The following LRMDA variants were observed in gnomAD, a reference collection of about 807,000 sequenced individuals.
The protein encoded by LRMDA is leucine-rich melanocyte differentiation-associated protein.
Under a neutral mutation model 29.8 loss-of-function variants are expected in LRMDA, and 18 were observed. The ratio of observed to expected loss-of-function variants is 0.60; its 90% confidence interval spans 0.42 to 0.90. The LOEUF (loss-of-function observed/expected upper bound fraction) is 0.90, where lower values mean the gene tolerates loss of function less well. Among genes scored for constraint, LRMDA ranks in the 40% least tolerant of loss-of-function variants. LRMDA has a pLI of 0.00. For synonymous variants in LRMDA, 125 were observed against 109.4 expected, an observed-to-expected ratio of 1.14 and a Z score of -0.89; for missense variants, 273 against 273.9, an observed-to-expected ratio of 1.00 and a Z score of 0.02.
intron 2 of LRMDA, among the ~76,000 whole-genome samples, chr10:75,980,494 G>GT (rs1314857499): frequency 2.6e-5 from 4 of 152,162 alleles, no homozygotes; most frequent in African/African-American, 9.7e-5. Context: ...GTTGGGCCTC[G>GT]TGAACTTGAT....
intron 2 of LRMDA, among the ~76,000 whole-genome samples, chr10:75,614,719 G>A (rs955973404): frequency 2.0e-5 from 3 of 151,934 alleles, no homozygotes; most frequent in Non-Finnish European, 4.4e-5. Context: ...CTGAATAATA[G>A]CTGTGTTACT....
intron 2 of LRMDA, among the ~76,000 whole-genome samples, chr10:75,549,784 C>T (rs1181277049): frequency 6.6e-6 from 1 of 152,120 alleles, no homozygotes; most frequent in Non-Finnish European, 1.5e-5. Flanking sequence ...TCCTTGTGCC[C>T]ACTTTTCAAT....
chr10:76,087,461 T>A (rs1849155868), intron 5 of LRMDA, among the ~76,000 whole-genome samples: 1 of 152,196 alleles, frequency 6.6e-6, no homozygotes, highest in Admixed American at 6.5e-5. Flanking sequence ...CCACACCCTA[T>A]GCTGGTAATT....
chr10:75,695,223 TAA>T (rs1051878499), intron 2 of LRMDA, among the ~76,000 whole-genome samples: 2 of 152,042 alleles, frequency 1.3e-5, no homozygotes, highest in African/African-American at 4.8e-5. Flanking sequence ...TCTGGTTTTT[TAA>T]AAAAAATAAC....
At chr10:75,812,220 G>T (rs944383940) in intron 2 of LRMDA, among the ~76,000 whole-genome samples, 1 of 143,378 alleles carries the variant, frequency 7.0e-6, no homozygotes, top group Non-Finnish European at 1.5e-5. Flanking sequence ...GATGCTATAG[G>T]ATATTTTATG....
chr10:75,952,877 C>T (rs911961980), intron 2 of LRMDA, among the ~76,000 whole-genome samples: 2 of 152,200 alleles, frequency 1.3e-5, no homozygotes, highest in Non-Finnish European at 2.9e-5. Flanking sequence ...GCCTCAGTCT[C>T]CCAAGTAGCT....
At chr10:75,454,287 G>A (rs939729823) in intron 2 of LRMDA, among the ~76,000 whole-genome samples, 3 of 152,150 alleles carry the variant, frequency 2.0e-5, no homozygotes, top group Admixed American at 2.0e-4. Flanking sequence ...TTGGGGGAGA[G>A]GGGTTCTACT....
At chr10:76,248,800 T>G (rs1852421826) in intron 5 of LRMDA, among the ~76,000 whole-genome samples, 2 of 152,194 alleles carry the variant, frequency 1.3e-5, no homozygotes, top group Non-Finnish European at 2.9e-5. Context: ...ATCATTGGCT[T>G]GAGAACAGAG....
chr10:76,444,470 C>G (rs1040973951), intron 6 of LRMDA, among the ~76,000 whole-genome samples: 1 of 152,194 alleles, frequency 6.6e-6, no homozygotes, highest in African/African-American at 2.4e-5. Flanking sequence ...GAATTCGATA[C>G]TGGGTTCAAA....
chr10:76,314,861 A>T (rs1467654746), intron 5 of LRMDA, among the ~76,000 whole-genome samples: 3 of 152,190 alleles, frequency 2.0e-5, no homozygotes, highest in African/African-American at 7.2e-5. Context: ...CGCACAGCTA[A>T]TTCTTTCATG....
At chr10:76,540,721 G>C (rs1589230478) in intron 6 of LRMDA, among the ~76,000 whole-genome samples, 1 of 152,156 alleles carries the variant, frequency 6.6e-6, no homozygotes, top group African/African-American at 2.4e-5. Context: ...GTACCAAAGA[G>C]TACATCCTGG....
intron 5 of LRMDA, among the ~76,000 whole-genome samples, chr10:76,295,816 T>G (rs1840404511): frequency 6.6e-6 from 1 of 152,186 alleles, no homozygotes; most frequent in Non-Finnish European, 1.5e-5. Context: ...AATCCTACCA[T>G]TTTTTCCAAG....
rs183498693 is a variant in LRMDA, at chr10:76,381,894, A to G, written c.601+57409A>G. The stretch of plus-strand genomic sequence containing the variant: ...TTGTATCCACCCAGAATACTAGAAC[A>G]AGGCTAGGCAGGTTGTAATTGTTCA... On this transcript the variant is annotated intron_variant, in intron 6 of 6. Transcript: ENST00000611255. Among the ~76,000 whole-genome samples, 3 of 152,362 alleles carry G rather than the reference A, an allele frequency of 2.0e-5. No individual in the cohort carries two copies. The East Asian group carries it at 5.8e-4, about 29-fold the overall frequency.
At chr10:75,665,896 G>A (rs1841816141) in intron 2 of LRMDA, among the ~76,000 whole-genome samples, 2 of 152,152 alleles carry the variant, frequency 1.3e-5, no homozygotes, top group Admixed American at 1.3e-4. Flanking sequence ...TTCTTGTCCT[G>A]TGGATACCAG....
chr10:76,514,141 T>C lies in LRMDA; in HGVS notation c.602-43068T>C, dbSNP rs376308067. Among the ~76,000 whole-genome samples, 32 of 152,264 alleles carry C rather than the reference T, an allele frequency of 2.1e-4. No homozygotes were observed. The East Asian group carries it at 2.9e-3, about 14-fold the overall frequency. On this transcript the variant is annotated intron_variant, in intron 6 of 6. Transcript: ENST00000611255. ...GTAGCACCCCAATCCCATACTCTCG[T>C]CCCTAAATGCCAATATTGAAACTTC...
chr10:76,198,524 T>G (rs941449583), intron 5 of LRMDA, among the ~76,000 whole-genome samples: 20 of 152,344 alleles, frequency 1.3e-4, no homozygotes, highest in Admixed American at 1.3e-3. Context: ...CATGATGTTA[T>G]AATGCTGAAG....
chr10:76,081,725 T>C (rs1373502184), intron 5 of LRMDA, among the ~76,000 whole-genome samples: 1 of 152,182 alleles, frequency 6.6e-6, no homozygotes, highest in East Asian at 1.9e-4. Flanking sequence ...GTAGTTTATT[T>C]GACAGGGAGA....
chr10:75,911,214 C>G (rs895556835), intron 2 of LRMDA, among the ~76,000 whole-genome samples: 26 of 151,982 alleles, frequency 1.7e-4, no homozygotes, highest in African/African-American at 5.8e-4. Flanking sequence ...ATTGCATGGG[C>G]TTATATTATT....
chr10:75,882,402 G>A (rs1269055932), intron 2 of LRMDA, among the ~76,000 whole-genome samples: 1 of 152,110 alleles, frequency 6.6e-6, no homozygotes, highest in African/African-American at 2.4e-5. Flanking sequence ...GAATTTCTTT[G>A]TTTTTTGAAA....
Sources: allele counts gnomAD v4.1 joint callset (sites outside exome capture counted in the v4.1 genomes callset), GRCh38; gene constraint gnomAD v4.1.1; transcripts MANE v1.5; gene names NCBI Gene and HGNC (gene_info 2026-07-23, HGNC 2026-07-21).